AGMO: variants seen among roughly 807,000 people sequenced by gnomAD.
AGMO encodes the protein glyceryl-ether monooxygenase.
AGMO carries 75 observed loss-of-function variants against 60.2 expected under a neutral mutation model. The ratio of observed to expected loss-of-function variants is 1.25; its 90% CI spans 1.03 to 1.51. The LOEUF (loss-of-function observed/expected upper bound fraction) is 1.51. Among genes scored for constraint, AGMO ranks in the 40% most tolerant of loss-of-function variants. The probability of loss-of-function intolerance (pLI) is 0.00; values close to 1 mark genes in which losing one functional copy is unlikely to be tolerated. For synonymous variants in AGMO, 261 were observed against 177.1 expected (o/e 1.47, Z -3.76); for missense variants, 763 against 525.5 (o/e 1.45, Z -4.42).
downstream of AGMO, among the ~76,000 whole-genome samples, chr7:15,198,871 T>C (rs1002375692): frequency 3.9e-5 from 6 of 152,148 alleles, no homozygotes; most frequent in Non-Finnish European, 8.8e-5. Flanking sequence ...AATGATGTTA[T>C]CCCTAGGAGC....
At chr7:15,183,534 C>T in the AGMO span, among the ~76,000 whole-genome samples, 2 of 152,184 alleles carry the variant, frequency 1.3e-5, no homozygotes, top group African/African-American at 4.8e-5. Flanking sequence ...TTGTCCTTGG[C>T]TTTCAGTTCA....
chr7:15,403,694 T>G (rs775188633), intron 5 of AGMO, among the ~76,000 whole-genome samples: 1 of 151,980 alleles, frequency 6.6e-6, no homozygotes, highest in Non-Finnish European at 1.5e-5. Flanking sequence ...CACTTATTGT[T>G]TTACTTGTTA....
At chr7:15,276,133 G>T (rs189618605) in intron 12 of AGMO, among the ~76,000 whole-genome samples, 45 of 152,206 alleles carry the variant, frequency 3.0e-4, no homozygotes, top group African/African-American at 1.0e-3. Flanking sequence ...TGTGAGCTTT[G>T]AACTTATGTA....
At chr7:15,125,704 A>G in the AGMO span, among the ~76,000 whole-genome samples, 2 of 152,192 alleles carry the variant, frequency 1.3e-5, no homozygotes, top group African/African-American at 4.8e-5. Flanking sequence ...TTAAAGAATC[A>G]AGAAAGAAGA....
chr7:15,305,082 A>G lies in AGMO; in HGVS notation c.1263+60432T>C, dbSNP rs73679466. On this transcript the variant is annotated intron_variant, in intron 12 of 12. Coordinates refer to ENST00000342526, the MANE Select transcript of AGMO (RefSeq NM_001004320.2). ...GAAATATATAAATAAAAGTGTTACTAGAAGTGATTATCCAGTAACTTGTGG... is the reference window on the plus strand; with the variant it reads ...GAAATATATAAATAAAAGTGTTACTGGAAGTGATTATCCAGTAACTTGTGG... 2.4e-3 allele frequency among the ~76,000 whole-genome samples: 364 copies of G among 152,056 alleles called. 3 individuals carry two copies. The highest frequency in any genetic ancestry group is 8.3e-3 in the African/African-American group (345 of 41,520).
chr7:15,133,882 G>C, the AGMO span, among the ~76,000 whole-genome samples: 4 of 152,104 alleles, frequency 2.6e-5, no homozygotes, highest in Non-Finnish European at 5.9e-5. Context: ...ATCTGAAACT[G>C]AACACCTCAT....
At chr7:15,183,200 C>G in the AGMO span, among the ~76,000 whole-genome samples, 2 of 151,654 alleles carry the variant, frequency 1.3e-5, no homozygotes, top group African/African-American at 4.8e-5. Context: ...CTATTCTATC[C>G]TCTTGATATA....
At chr7:15,245,482 T>TTCC (rs1158752990) in intron 12 of AGMO, among the ~76,000 whole-genome samples, 1 of 152,172 alleles carries the variant, frequency 6.6e-6, no homozygotes, top group Non-Finnish European at 1.5e-5. Context: ...GCATTCAGCC[T>TTCC]TCCTTCCTTT....
chr7:15,425,481 C>T (rs1029556037), intron 4 of AGMO, among the ~76,000 whole-genome samples: 18 of 150,696 alleles, frequency 1.2e-4, no homozygotes, highest in Non-Finnish European at 2.5e-4. Context: ...GTCACCCAGG[C>T]TGGAGTGCAG....
intron 12 of AGMO, among the ~76,000 whole-genome samples, chr7:15,363,634 CATCTT>C (rs1199867978): frequency 6.7e-6 from 1 of 149,012 alleles, no homozygotes; most frequent in East Asian, 1.9e-4. Context: ...AAACTGCCAT[CATCTT>C]ATCACTAGCG....
intron 10 of AGMO, among the ~76,000 whole-genome samples, chr7:15,380,176 G>A (rs954430060): frequency 2.0e-5 from 3 of 152,078 alleles, no homozygotes; most frequent in Non-Finnish European, 4.4e-5. Flanking sequence ...ATTCAGGCAA[G>A]AGAAAGAAAC....
chr7:15,412,298 G>A (rs1780636377), intron 5 of AGMO, among the ~76,000 whole-genome samples: 2 of 152,022 alleles, frequency 1.3e-5, no homozygotes, highest in Admixed American at 1.3e-4. Flanking sequence ...AGTATAGAGT[G>A]TTGCTGAGAA....
At chr7:15,159,466 G>T in the AGMO span, among the ~76,000 whole-genome samples, 2 of 152,110 alleles carry the variant, frequency 1.3e-5, no homozygotes, top group African/African-American at 2.4e-5. Context: ...GTCCAGGACT[G>T]GAAAAGAACA....
rs184855408 is a variant in AGMO at position 15,493,443 on chromosome 7, G to T, written c.409+51329C>A. 8.8e-3 allele frequency among the ~76,000 whole-genome samples: 1,244 copies of T among 140,904 alleles called. 40 individuals are homozygous for T. The highest frequency in any genetic ancestry group is 0.07 in the Admixed American group (943 of 13,496). 92.4% of individuals were successfully genotyped at this position (140,904 alleles called of 152,430 possible). On this transcript the variant is annotated intron_variant, in intron 3 of 12. Transcript: ENST00000342526. Reference sequence around the variant, plus strand: ...GGCTGGAGTGCAGTGGCGCGATCTCGGCTCACTGCAAGCTCCGCCTCCCGG... The same window carrying T: ...GGCTGGAGTGCAGTGGCGCGATCTCTGCTCACTGCAAGCTCCGCCTCCCGG...
At chr7:15,203,506 T>TG (rs1403893665) in intron 12 of AGMO, among the ~76,000 whole-genome samples, 2 of 151,664 alleles carry the variant, frequency 1.3e-5, no homozygotes, top group South Asian at 2.1e-4. Context: ...TCTTTTTTTT[T>TG]GTTTTTTTTT....
At chr7:15,440,348 A>C (rs892370815) in intron 3 of AGMO, among the ~76,000 whole-genome samples, 7 of 152,184 alleles carry the variant, frequency 4.6e-5, no homozygotes, top group Non-Finnish European at 8.8e-5. Flanking sequence ...TTGCTCATAT[A>C]TATGTTTTGG....
At chr7:15,232,817 A>G (rs1055756170) in intron 12 of AGMO, among the ~76,000 whole-genome samples, 3 of 151,808 alleles carry the variant, frequency 2.0e-5, no homozygotes, top group Admixed American at 6.6e-5. Flanking sequence ...ACACACACAC[A>G]CACACACACA....
chr7:15,139,820 C>CAAAAAAAA, the AGMO span, among the ~76,000 whole-genome samples: 60 of 66,120 alleles, frequency 9.1e-4, no homozygotes, highest in East Asian at 2.5e-3. Flanking sequence ...TCTCAAAAGA[C>CAAAAAAAA]AAAAAAAAAA....
chr7:15,218,796 C>T (rs991573206), intron 12 of AGMO, among the ~76,000 whole-genome samples: 1 of 152,062 alleles, frequency 6.6e-6, no homozygotes, highest in Non-Finnish European at 1.5e-5. Flanking sequence ...AAGCATGGTG[C>T]ACACAGTCCA....
Sources: allele counts gnomAD v4.1 joint callset (sites outside exome capture counted in the v4.1 genomes callset), GRCh38; gene constraint gnomAD v4.1.1; transcripts MANE v1.5; gene names NCBI Gene and HGNC (gene_info 2026-07-23, HGNC 2026-07-21).